GPRIN3: variants seen among roughly 807,000 people sequenced by gnomAD.
GPRIN3 encodes the protein GPRIN family member 3, also known as G protein-regulated inducer of neurite outgrowth 3.
GPRIN3 carries 12 observed loss-of-function variants against 13.7 expected under a neutral mutation model. The ratio of observed to expected loss-of-function variants is 0.87; its 90% CI spans 0.56 to 1.42. GPRIN3 has a LOEUF of 1.42. Among genes scored for constraint, GPRIN3 ranks in the 40% most tolerant of loss-of-function variants. The probability of loss-of-function intolerance (pLI) is 0.00; values close to 1 mark genes in which losing one functional copy is unlikely to be tolerated. For missense variants in GPRIN3, 1,009 were observed against 958.7 expected (o/e 1.05, Z -0.69); for synonymous variants, 377 against 372.7 (o/e 1.01, Z -0.13).
At position 89,238,592 on chromosome 4, in the gene GPRIN3, C is replaced by T. The variant is rs888605498; in HGVS notation, c.*9188G>A. On this transcript the variant is annotated 3_prime_UTR_variant, in exon 2 of 2. Transcript: ENST00000609438. ...CATCATTCTCACCAAACAACACACACACAACGCACAAACACACACACACTC... is the reference window on the plus strand; with the variant it reads ...CATCATTCTCACCAAACAACACACATACAACGCACAAACACACACACACTC... 6.6e-6 allele frequency: 1 copy of T among 150,704 alleles called. No individual in the cohort carries two copies. Among genetic ancestry groups the T allele is most frequent in the Non-Finnish European group, 1.5e-5 (1 of 67,828 alleles). 9.3% of individuals were successfully genotyped at this position (150,704 alleles called of 1,614,324 possible).
intron 1 of GPRIN3, among the ~76,000 whole-genome samples, chr4:89,286,442 G>A (rs1359663121): frequency 1.3e-5 from 2 of 152,066 alleles, no homozygotes; most frequent in Non-Finnish European, 2.9e-5. Context: ...TCTTTCGCTG[G>A]TGCTTTCCTA....
chr4:89,295,308 C>T (rs561845377), intron 1 of GPRIN3, among the ~76,000 whole-genome samples: 26 of 152,206 alleles, frequency 1.7e-4, no homozygotes, highest in Non-Finnish European at 3.7e-4. Flanking sequence ...TTGAATATCT[C>T]TTATTTGTCC....
At chr4:89,276,370 T>C (rs1724094097) in intron 1 of GPRIN3, among the ~76,000 whole-genome samples, 1 of 152,244 alleles carries the variant, frequency 6.6e-6, no homozygotes, top group Non-Finnish European at 1.5e-5. Context: ...TTTAATGGAA[T>C]CTTTCTTAAT....
In GPRIN3 at chr4:89,237,333, T is replaced by A. The variant is rs1156526652; in HGVS notation, c.*10447A>T. 6.6e-6 allele frequency: 1 copy of A among 152,222 alleles called. No homozygotes were observed. Among genetic ancestry groups the A allele is most frequent in the Admixed American group, 6.5e-5 (1 of 15,282 alleles). The allele number at this position is 152,222 out of a possible 1,614,324, so 9.4% of individuals were successfully genotyped here. A position where few individuals can be genotyped will look rare whatever the true frequency, so the allele number is the denominator to read the frequency against. Reference sequence around the variant, plus strand: ...GAAGAAAATTTAATAATGGTGGCATTCAGAAGTTCATTAAGAATGTGTATG... The same window carrying A: ...GAAGAAAATTTAATAATGGTGGCATACAGAAGTTCATTAAGAATGTGTATG... On this transcript the variant is annotated 3_prime_UTR_variant, in exon 2 of 2. Transcript: ENST00000609438.
chr4:89,273,801 G>A (rs1724023671), intron 1 of GPRIN3, among the ~76,000 whole-genome samples: 1 of 152,222 alleles, frequency 6.6e-6, no homozygotes, highest in African/African-American at 2.4e-5. Flanking sequence ...GAACCTCCTG[G>A]AAATGACCTG....
At chr4:89,302,963 G>A (rs1724938446) in intron 1 of GPRIN3, among the ~76,000 whole-genome samples, 1 of 151,870 alleles carries the variant, frequency 6.6e-6, no homozygotes, top group Non-Finnish European at 1.5e-5. Flanking sequence ...TCTGTTTTAA[G>A]GTATAGCTTC....
chr4:89,288,867 G>C (rs574793373), intron 1 of GPRIN3, among the ~76,000 whole-genome samples: 1 of 151,980 alleles, frequency 6.6e-6, no homozygotes, highest in Non-Finnish European at 1.5e-5. Context: ...CAGCACTGTC[G>C]CTTATTTACT....
chr4:89,257,040 CG>C (rs1338450331), intron 1 of GPRIN3, among the ~76,000 whole-genome samples: 7 of 152,108 alleles, frequency 4.6e-5, no homozygotes, highest in Admixed American at 6.5e-5. Context: ...AACATCATAC[CG>C]GGGCACTAAC....
chr4:89,256,057 G>C (rs1328212419), intron 1 of GPRIN3, among the ~76,000 whole-genome samples: 1 of 152,120 alleles, frequency 6.6e-6, no homozygotes, highest in African/African-American at 2.4e-5. Flanking sequence ...GGGAAACTGA[G>C]GCCCAGAGGC....
At chr4:89,257,686 G>C (rs1231548868) in intron 1 of GPRIN3, among the ~76,000 whole-genome samples, 1 of 152,184 alleles carries the variant, frequency 6.6e-6, no homozygotes, top group African/African-American at 2.4e-5. Flanking sequence ...ACAGGGAAGA[G>C]AGACCTCTTT....
In GPRIN3 at chr4:89,248,572, G is replaced by A. The variant is rs1490631480; in HGVS notation, c.1539C>T (p.Asp513=). 3 of 1,613,490 alleles carry A rather than the reference G, an allele frequency of 1.9e-6. No individual in the cohort carries two copies. Among genetic ancestry groups the A allele is most frequent in the Non-Finnish European group, 2.5e-6 (3 of 1,179,430 alleles). Residue 513 remains aspartate (D), a synonymous_variant, in exon 2 of 2, where the codon GAC becomes GAT. Coordinates refer to ENST00000609438, the MANE Select transcript of GPRIN3 (RefSeq NM_198281.3). ...CAGCTTTGCTGATAGAGCCACAAGA[G>A]TCAGATAGTTTGCAATCTGGGTCTG... The part of the protein sequence containing the change: ...HKTDPDCKLS[D]SCGSISKADH...
chr4:89,258,231 A>ATTT (rs34494592), intron 1 of GPRIN3, among the ~76,000 whole-genome samples: 5 of 147,906 alleles, frequency 3.4e-5, no homozygotes, highest in African/African-American at 1.2e-4. Flanking sequence ...AAGCCTGAGC[A>ATTT]TTTTTTTTTT....
chr4:89,296,260 A>C (rs1466244216), intron 1 of GPRIN3, among the ~76,000 whole-genome samples: 3 of 152,052 alleles, frequency 2.0e-5, no homozygotes. Context: ...ATTTTCTTTT[A>C]CTAGAAAAAA....
At chr4:89,298,239 T>C (rs982776957) in intron 1 of GPRIN3, among the ~76,000 whole-genome samples, 2 of 152,184 alleles carry the variant, frequency 1.3e-5, no homozygotes, top group African/African-American at 4.8e-5. Context: ...TTCTTAGTTG[T>C]TTTTAGGAGA....
At chr4:89,270,548 TTA>T (rs1723906068) in intron 1 of GPRIN3, among the ~76,000 whole-genome samples, 1 of 113,548 alleles carries the variant, frequency 8.8e-6, no homozygotes, top group African/African-American at 3.3e-5. Flanking sequence ...TTATATATAT[TTA>T]TATATGTATA....
chr4:89,300,158 C>T (rs2110026110), intron 1 of GPRIN3, among the ~76,000 whole-genome samples: 1 of 152,188 alleles, frequency 6.6e-6, no homozygotes, highest in East Asian at 1.9e-4. Flanking sequence ...ATATTTGGCG[C>T]CATCACCTTT....
At position 89,236,881 on chromosome 4, in the gene GPRIN3, C is replaced by T. The variant is rs761978596; in HGVS notation, c.*10899G>A. On this transcript the variant is annotated 3_prime_UTR_variant, in exon 2 of 2. Transcript: ENST00000609438. The stretch of plus-strand genomic sequence containing the variant: ...ACATAGATGGAAGTGCCCAGCAAAA[C>T]GTCTGGCACAAAGGCATTATTTTTT... The T allele has an allele frequency of 9.9e-5, 15 of 152,232 alleles. No homozygotes were observed. In the East Asian group the frequency reaches 1.5e-3, roughly 16 times the overall value. The allele number at this position is 152,232 out of a possible 1,614,324, so 9.4% of individuals were successfully genotyped here. A position where few individuals can be genotyped will look rare whatever the true frequency, so the allele number is the denominator to read the frequency against.
chr4:89,267,738 T>C (rs896854644), intron 1 of GPRIN3, among the ~76,000 whole-genome samples: 4 of 152,194 alleles, frequency 2.6e-5, no homozygotes. Flanking sequence ...CTATAAGTGC[T>C]ACATGCATTT....
At chr4:89,303,880 A>G (rs767731999) in intron 1 of GPRIN3, among the ~76,000 whole-genome samples, 11 of 137,594 alleles carry the variant, frequency 8.0e-5, no homozygotes, top group Non-Finnish European at 1.6e-4. Flanking sequence ...AATGAAATTT[A>G]TTTTTTTAAA....
Sources: gnomAD v4.1 joint callset for allele counts (sites outside exome capture counted in the v4.1 genomes callset) on GRCh38, gnomAD v4.1.1 for gene constraint, MANE v1.5 for transcripts, NCBI Gene and HGNC (gene_info 2026-07-23, HGNC 2026-07-21) for gene names.